CBX5: variants seen among roughly 807,000 people sequenced by gnomAD.
CBX5 encodes chromobox protein homolog 5.
A neutral mutation model predicts 20.7 loss-of-function variants in CBX5; 7 were observed. The ratio of observed to expected loss-of-function variants is 0.34; its 90% CI spans 0.19 to 0.63. The LOEUF is 0.63. Ranked by LOEUF, CBX5 falls within the 30% of genes least tolerant of loss-of-function variation. The pLI, the probability that CBX5 is intolerant of heterozygous loss-of-function variation, is 0.75. For missense variants in CBX5, 110 were observed against 224.1 expected (o/e 0.49, Z 3.25); for synonymous variants, 78 against 77.0 (o/e 1.01, Z -0.07).
rs1197663043 is a variant in CBX5, at chr12:54,233,041, C to G, written c.*8714G>C. 1 of 152,164 alleles carries G rather than the reference C, an allele frequency of 6.6e-6. No individual in the cohort carries two copies. Among genetic ancestry groups the G allele is most frequent in the Non-Finnish European group, 1.5e-5 (1 of 68,014 alleles). The allele number at this position is 152,164 out of a possible 1,614,324, so 9.4% of individuals were successfully genotyped here. ...GAATCCTAGCACCACAAAACACCCTCTTACTACATCACATCCCTCCCCACA... is the reference window on the plus strand; with the variant it reads ...GAATCCTAGCACCACAAAACACCCTGTTACTACATCACATCCCTCCCCACA... On this transcript the variant is annotated 3_prime_UTR_variant, in exon 5 of 5. Coordinates refer to ENST00000209875, the MANE Select transcript of CBX5 (RefSeq NM_012117.3).
At chr12:54,248,218 G>T (rs1359187556) in intron 3 of CBX5, among the ~76,000 whole-genome samples, 1 of 151,968 alleles carries the variant, frequency 6.6e-6, no homozygotes, top group Non-Finnish European at 1.5e-5. Context: ...TGAACTCCTG[G>T]CCTCAAGTGA....
Position 54,252,025 on chromosome 12 carries a change from G to C in CBX5, c.324+16C>G, listed in dbSNP as rs1943810127. ...GCAAAAGAATAGTTTTTGGGGAAAA[G>C]GGAAAGGAAGCTTACCTCTCTCTTT... On this transcript the variant is annotated intron_variant, in intron 3 of 4. Coordinates refer to ENST00000209875, the MANE Select transcript of CBX5 (RefSeq NM_012117.3). The C allele has an allele frequency of 1.3e-6, 2 of 1,537,552 alleles. No individual in the cohort carries two copies. The highest frequency in any genetic ancestry group is 2.8e-5 in the African/African-American group (2 of 71,024).
At chr12:54,254,003 G>A (rs935897296) in intron 2 of CBX5, among the ~76,000 whole-genome samples, 4 of 151,974 alleles carry the variant, frequency 2.6e-5, no homozygotes, top group African/African-American at 9.7e-5. Flanking sequence ...CGCCTGCTTC[G>A]GCCACTCAAA....
At chr12:54,256,199 A>G (rs1359990951) in intron 2 of CBX5, among the ~76,000 whole-genome samples, 2 of 152,174 alleles carry the variant, frequency 1.3e-5, no homozygotes, top group Non-Finnish European at 2.9e-5. Context: ...AACATCTTCA[A>G]AATCTTCTGG....
In CBX5 at chr12:54,242,248, G is replaced by A. The variant is rs192905350; in HGVS notation, c.426-343C>T. 3.7e-4 allele frequency among the ~76,000 whole-genome samples: 56 copies of A among 152,114 alleles called. No homozygotes were observed. The Middle Eastern group carries it at 0.01, about 28-fold the overall frequency. Reference sequence around the variant, plus strand: ...CCAATCAAACCTACATTCAGGGGCCGGGCACGGTGGCTCACACCTGTAATC... The same window carrying A: ...CCAATCAAACCTACATTCAGGGGCCAGGCACGGTGGCTCACACCTGTAATC... On this transcript the variant is annotated intron_variant, in intron 4 of 4. Coordinates refer to ENST00000209875, the MANE Select transcript of CBX5 (RefSeq NM_012117.3).
chr12:54,267,126 G>A (rs563957342), intron 1 of CBX5, among the ~76,000 whole-genome samples: 1 of 152,300 alleles, frequency 6.6e-6, no homozygotes, highest in African/African-American at 2.4e-5. Flanking sequence ...CCTCTTAAGT[G>A]TAATGAAACA....
At position 54,263,762 on chromosome 12, in the gene CBX5, C is replaced by CAA. The variant is rs66591051; in HGVS notation, c.-42-6072_-42-6071dup. Among the ~76,000 whole-genome samples, 339 of 37,660 alleles carry CAA rather than the reference C, an allele frequency of 9.0e-3. 4 individuals carry two copies. The highest frequency in any genetic ancestry group is 0.022 in the South Asian group (24 of 1,116). 24.7% of individuals were successfully genotyped at this position (37,660 alleles called of 152,430 possible). On this transcript the variant is annotated intron_variant, in intron 1 of 4. Transcript: ENST00000209875. ...TGGGCAACAGGGTAAGACTCTATCT[C>CAA]AAAAAAAAAAAAAAAAAAAAAGAAA... is the stretch of plus-strand genomic sequence containing the variant.
intron 2 of CBX5, chr12:54,255,540 T>C (rs1223709776): frequency 4.0e-5 from 5 of 124,314 alleles, no homozygotes; most frequent in Admixed American, 9.8e-5. Context: ...GCGTGGGCGA[T>C]AGTGAGAGAC....
Position 54,238,227 on chromosome 12 carries a change from AG to A in CBX5, c.*3527del, listed in dbSNP as rs1943642945. 2 of 152,190 alleles carry A rather than the reference AG, an allele frequency of 1.3e-5. No homozygotes were observed. Among genetic ancestry groups the A allele is most frequent in the South Asian group, 2.1e-4 (1 of 4,836 alleles). The allele number at this position is 152,190 out of a possible 1,614,324, so 9.4% of individuals were successfully genotyped here. On this transcript the variant is annotated 3_prime_UTR_variant, in exon 5 of 5. Coordinates refer to ENST00000209875, the MANE Select transcript of CBX5 (RefSeq NM_012117.3). Reference sequence around the variant, plus strand: ...AATAATAGAGGTGAATGTCTGCATTAGGATCAAGACAAGAAGAAGACAGACA... The same window carrying A: ...AATAATAGAGGTGAATGTCTGCATTAGATCAAGACAAGAAGAAGACAGACA...
At chr12:54,255,240 AAC>A (rs2137019943) in intron 2 of CBX5, among the ~76,000 whole-genome samples, 1 of 152,176 alleles carries the variant, frequency 6.6e-6, no homozygotes, top group Admixed American at 6.5e-5. Flanking sequence ...CAGCCTGGGT[AAC>A]ACAGTGAGAC....
At chr12:54,276,412 A>C (rs1944068535) in intron 1 of CBX5, among the ~76,000 whole-genome samples, 1 of 152,248 alleles carries the variant, frequency 6.6e-6, no homozygotes, top group African/African-American at 2.4e-5. Flanking sequence ...AAAGTGTTGA[A>C]TATCTCATGT....
chr12:54,251,999 G>A, intron 3 of CBX5, 42 bp downstream of exon 3: 1 of 1,426,016 alleles, frequency 7.0e-7, no homozygotes. Context: ...TTATTTTGGT[G>A]GCAAAAGAAT....
intron 3 of CBX5, among the ~76,000 whole-genome samples, chr12:54,247,833 C>A (rs182500654): frequency 4.6e-5 from 7 of 151,374 alleles, no homozygotes; most frequent in Non-Finnish European, 1.0e-4. Flanking sequence ...GCTACCACCC[C>A]TGGCTAATTT....
intron 1 of CBX5, among the ~76,000 whole-genome samples, chr12:54,270,610 C>T (rs1944000020): frequency 6.6e-6 from 1 of 152,196 alleles, no homozygotes; most frequent in South Asian, 2.1e-4. Flanking sequence ...TTTTCATTTT[C>T]ATTCAGTTCC....
intron 1 of CBX5, among the ~76,000 whole-genome samples, chr12:54,264,599 T>C (rs977925335): frequency 6.6e-6 from 1 of 152,162 alleles, no homozygotes; most frequent in African/African-American, 2.4e-5. Flanking sequence ...TCCCAGCACT[T>C]TGGGAGGCCA....
Position 54,233,975 on chromosome 12 carries a change from G to A in CBX5, c.*7780C>T, listed in dbSNP as rs1592150696. 6.6e-6 allele frequency: 1 copy of A among 151,990 alleles called. No individual in the cohort carries two copies. The highest frequency in any genetic ancestry group is 1.5e-5 in the Non-Finnish European group (1 of 68,112). The allele number at this position is 151,990 out of a possible 1,614,324, so 9.4% of individuals were successfully genotyped here. A position where few individuals can be genotyped will look rare whatever the true frequency, so the allele number is the denominator to read the frequency against. On this transcript the variant is annotated 3_prime_UTR_variant, in exon 5 of 5. Coordinates refer to ENST00000209875, the MANE Select transcript of CBX5 (RefSeq NM_012117.3). ...AGGCAGGCGGATCACAAGGTCAGGA[G>A]TTCAAGACCAGCACGGCCAAGATGG...
At chr12:54,256,476 T>G (rs554812116) in intron 2 of CBX5, among the ~76,000 whole-genome samples, 5 of 152,358 alleles carry the variant, frequency 3.3e-5, no homozygotes, top group African/African-American at 1.2e-4. Context: ...CAAAGGTTCT[T>G]GACACATAGC....
At chr12:54,266,137 G>C (rs868858152) in intron 1 of CBX5, among the ~76,000 whole-genome samples, 1 of 150,758 alleles carries the variant, frequency 6.6e-6, no homozygotes, top group Non-Finnish European at 1.5e-5. Context: ...GGCTGCGTGC[G>C]GTGGCTCACC....
At chr12:54,252,972 T>A in intron 2 of CBX5, among the ~76,000 whole-genome samples, 1 of 126,106 alleles carries the variant, frequency 7.9e-6, no homozygotes, top group South Asian at 2.5e-4. Flanking sequence ...AAAGCCAGAC[T>A]CTGTCTCAAA....
Sources: allele counts gnomAD v4.1 joint callset (sites outside exome capture counted in the v4.1 genomes callset), GRCh38; gene constraint gnomAD v4.1.1; transcripts MANE v1.5; gene names NCBI Gene and HGNC (gene_info 2026-07-23, HGNC 2026-07-21).